Variants in PATJ observed in about 807,000 individuals in gnomAD.
PATJ encodes the protein inaD-like protein.
In PATJ, 190 loss-of-function variants were observed where a neutral mutation model predicts 224.9. The observed-to-expected ratio is 0.84, with a 90% confidence interval of 0.75 to 0.95. PATJ has a LOEUF of 0.95. PATJ is among the 40% of genes least tolerant of loss of function. The pLI, the probability that PATJ is intolerant of heterozygous loss-of-function variation, is 0.00. For synonymous variants in PATJ, 769 were observed against 820.3 expected (o/e 0.94, Z 1.07); for missense variants, 2,121 against 2,270.3 (o/e 0.93, Z 1.34).
intron 26 of PATJ, among the ~76,000 whole-genome samples, chr1:61,926,756 A>G (rs1571329186): frequency 6.6e-6 from 1 of 152,280 alleles, no homozygotes; most frequent in South Asian, 2.1e-4. Context: ...GCTTTCCTTT[A>G]TGACTCTCAA....
chr1:62,084,845 C>T (rs1297702709), intron 33 of PATJ, among the ~76,000 whole-genome samples, 197 bp downstream of exon 33: 1 of 152,146 alleles, frequency 6.6e-6, no homozygotes, highest in African/African-American at 2.4e-5. Flanking sequence ...GTGCTGGGCG[C>T]GGTGGCTCAC....
chr1:62,028,964 A>AATACATACATGC (rs1553247610), intron 29 of PATJ, among the ~76,000 whole-genome samples: 82 of 147,550 alleles, frequency 5.6e-4, no homozygotes, highest in Non-Finnish European at 8.8e-4. Context: ...CCTGTCTCAA[A>AATACATACATGC]ATACATACAT....
At chr1:62,122,966 T>G in intron 38 of PATJ, 55 bp from the exon 39 acceptor site, 1 of 1,175,038 alleles carries the variant, frequency 8.5e-7, no homozygotes, top group Non-Finnish European at 1.2e-6. Context: ...CAATATTATA[T>G]GCTAAATATA....
rs371868730 is a variant in PATJ at position 61,927,829 on chromosome 1, C to T, written c.3670C>T (p.Gln1224Ter). ...ENEEEDAFTD[Q>*]KIRQRYADLP... ...TGAAGAAGAAGATGCCTTTACCGAC[C>T]GTGAGTGCCTTTTCACTATTTAGGG... is the stretch of plus-strand genomic sequence containing the variant. The change falls in exon 27 of 44, where the codon CAA (glutamine) becomes TAA (stop). Residue 1224 changes from glutamine (Q) to a stop codon, truncating the protein, a stop_gained and splice_region_variant. Transcript: ENST00000642238. LOFTEE classifies it high-confidence loss of function. The T allele has an allele frequency of 1.1e-5, 17 of 1,600,966 alleles. No homozygotes were observed. Among genetic ancestry groups the T allele is most frequent in the Admixed American group, 1.0e-4 (6 of 59,448 alleles).
chr1:61,914,471 A>G (rs943068160), intron 25 of PATJ, 116 bp from the exon 26 acceptor site: 1 of 508,600 alleles, frequency 2.0e-6, no homozygotes, highest in African/African-American at 2.0e-5. Flanking sequence ...AAAGAAAAAA[A>G]CAGAAATGTA....
At chr1:61,910,841 C>T (rs1276879178) in intron 25 of PATJ, among the ~76,000 whole-genome samples, 1 of 151,894 alleles carries the variant, frequency 6.6e-6, no homozygotes, top group Admixed American at 6.6e-5. Context: ...GCCACTGCAC[C>T]TGGACAGGGC....
In PATJ at chr1:61,970,724, C is replaced by A. The variant is rs1332858399; in HGVS notation, c.3671-19444C>A. 3.3e-5 allele frequency among the ~76,000 whole-genome samples: 5 copies of A among 152,272 alleles called. No homozygotes were observed. In the East Asian group the frequency reaches 7.7e-4, roughly 24 times the overall value. On this transcript the variant is annotated intron_variant, in intron 27 of 43. Coordinates refer to ENST00000642238, the MANE Select transcript of PATJ (RefSeq NM_001350145.3). ...GCCCAGGCTGGTCTCAAACTCCTAA[C>A]CTCACACTAACGCCTGCTTTGGCCT... is the stretch of plus-strand genomic sequence containing the variant.
At position 61,963,077 on chromosome 1, in the gene PATJ, C is replaced by T. The variant is rs560519712; in HGVS notation, c.3671-27091C>T. 6.4e-4 allele frequency among the ~76,000 whole-genome samples: 98 copies of T among 152,240 alleles called. 1 individual carries two copies. In the South Asian group the frequency reaches 0.016, roughly 24 times the overall value. On this transcript the variant is annotated intron_variant, in intron 27 of 43. Transcript: ENST00000642238. The stretch of plus-strand genomic sequence containing the variant: ...CAGACATATGCCCAGCTAAAAAATA[C>T]GCAGTCTATTATTCAAGAGAAAAGG...
At position 61,913,884 on chromosome 1, in the gene PATJ, C is replaced by A. The variant is rs997214455; in HGVS notation, c.3493-703C>A. 3.3e-5 allele frequency among the ~76,000 whole-genome samples: 5 copies of A among 152,158 alleles called. No individual in the cohort carries two copies. The East Asian group carries it at 9.6e-4, about 29-fold the overall frequency. On this transcript the variant is annotated intron_variant, in intron 25 of 43. Transcript: ENST00000642238. ...TGTTCTTGGATAATTAATTAGATCA[C>A]CCCTAAAACTCTATCTTGCAAAATG...
At position 61,869,097 on chromosome 1, in the gene PATJ, ATTTTTTTTT is replaced by A. The variant is rs113334846; in HGVS notation, c.2835+4476_2835+4484del. On this transcript the variant is annotated intron_variant, in intron 20 of 43. Coordinates refer to ENST00000642238, the MANE Select transcript of PATJ (RefSeq NM_001350145.3). ...TTTTAGGAGAACAAATGGAAATAAC[ATTTTTTTTT>A]TTTTTTTTTTTCTTTTTTGAGACGG... Among the ~76,000 whole-genome samples, 1,070 of 125,552 alleles carry A rather than the reference ATTTTTTTTT, an allele frequency of 8.5e-3. 13 individuals are homozygous for A. The highest frequency in any genetic ancestry group is 0.032 in the African/African-American group (1,032 of 32,004). 82.4% of individuals were successfully genotyped at this position (125,552 alleles called of 152,430 possible). A position where few individuals can be genotyped will look rare whatever the true frequency, so the allele number is the denominator to read the frequency against.
intron 28 of PATJ, among the ~76,000 whole-genome samples, chr1:62,010,019 G>T (rs1318732977): frequency 1.3e-5 from 2 of 148,532 alleles, no homozygotes; most frequent in Non-Finnish European, 3.0e-5. Context: ...GGAGGGGGAG[G>T]TTACAGTGAG....
chr1:61,871,444 C>CACATATATATGCATATATATATGCATAT (rs1553186011), intron 20 of PATJ, among the ~76,000 whole-genome samples: 1 of 11,192 alleles, frequency 8.9e-5, no homozygotes. Flanking sequence ...TGTGTATATA[C>CACATATATATGCATATATATATGCATAT]ACATATATAT....
At chr1:61,966,363 C>T (rs1308374461) in intron 27 of PATJ, among the ~76,000 whole-genome samples, 9 of 152,138 alleles carry the variant, frequency 5.9e-5, no homozygotes, top group Admixed American at 2.0e-4. Context: ...TCTTGGATCT[C>T]GCGCCAAGGC....
chr1:61,920,202 G>A (rs1374013912), intron 26 of PATJ, among the ~76,000 whole-genome samples: 1 of 152,138 alleles, frequency 6.6e-6, no homozygotes, highest in Admixed American at 6.5e-5. Context: ...ATGTGGCAGT[G>A]TTTAGTAATA....
Position 61,766,442 on chromosome 1 carries a change from A to G in PATJ, c.353A>G (p.Asp118Gly). 1 of 1,604,688 alleles carries G rather than the reference A, an allele frequency of 6.2e-7. No homozygotes were observed. ...FPWTPKLGNE[D>G]FNSVIQQMAQ... Reference sequence around the variant, plus strand: ...TGGACCCCGAAGTTGGGAAATGAAGACTTTAACTCAGTCATTCAACAGATG... The same window carrying G: ...TGGACCCCGAAGTTGGGAAATGAAGGCTTTAACTCAGTCATTCAACAGATG... The change falls in exon 4 of 44, where the codon GAC (aspartate) becomes GGC (glycine). Residue 118 changes from aspartate (D) to glycine (G), a missense_variant. Coordinates refer to ENST00000642238, the MANE Select transcript of PATJ (RefSeq NM_001350145.3).
At chr1:62,148,145 TGA>T (rs891311547) in intron 41 of PATJ, 137 bp from the exon 42 acceptor site, 8 of 265,410 alleles carry the variant, frequency 3.0e-5, no homozygotes, top group Admixed American at 1.2e-4. Flanking sequence ...AAAAAAAGTT[TGA>T]GAGAATAGTC....
At chr1:62,126,937 C>T (rs954734152) in intron 39 of PATJ, among the ~76,000 whole-genome samples, 1 of 152,062 alleles carries the variant, frequency 6.6e-6, no homozygotes, top group African/African-American at 2.4e-5. Context: ...AATGCTCAGA[C>T]CAACACTGTC....
rs533608472 is a variant in PATJ at position 61,908,221 on chromosome 1, G to A, written c.3382-151G>A. 24 of 580,184 alleles carry A rather than the reference G, an allele frequency of 4.1e-5. No homozygotes were observed. The African/African-American group carries it at 4.3e-4, about 10-fold the overall frequency. 35.9% of individuals were successfully genotyped at this position (580,184 alleles called of 1,614,324 possible). A position where few individuals can be genotyped will look rare whatever the true frequency, so the allele number is the denominator to read the frequency against. On this transcript the variant is annotated intron_variant, in intron 24 of 43. Coordinates refer to ENST00000642238, the MANE Select transcript of PATJ (RefSeq NM_001350145.3). ...GAACATGTTCTTCTAAAATTGCCAA[G>A]CTTTTTATGGGCCAATCTTATTTTT...
chr1:62,077,036 A>G (rs910802957), intron 31 of PATJ, among the ~76,000 whole-genome samples: 2 of 151,972 alleles, frequency 1.3e-5, no homozygotes, highest in Non-Finnish European at 2.9e-5. Context: ...TTATTTGATT[A>G]CTCTACCACC....
Sources: gnomAD v4.1 joint callset for allele counts (sites outside exome capture counted in the v4.1 genomes callset) on GRCh38, gnomAD v4.1.1 for gene constraint, MANE v1.5 for transcripts, NCBI Gene and HGNC (gene_info 2026-07-23, HGNC 2026-07-21) for gene names.